The following ATP5F1A variants were observed in gnomAD, a reference collection of about 807,000 sequenced individuals.
The protein encoded by ATP5F1A is ATP synthase F(1) complex subunit alpha, mitochondrial.
ATP5F1A carries 24 observed loss-of-function variants against 57.4 expected under a neutral mutation model. The observed-to-expected ratio is 0.42, with a 90% CI of 0.30 to 0.59. The LOEUF (loss-of-function observed/expected upper bound fraction) is 0.59, where lower values mean the gene tolerates loss of function less well. Ranked by LOEUF, ATP5F1A falls within the 20% of genes least tolerant of loss-of-function variation. ATP5F1A has a pLI of 0.19. For synonymous variants in ATP5F1A, 251 were observed against 255.5 expected (o/e 0.98, Z 0.17); for missense variants, 494 against 707.9 (o/e 0.70, Z 3.43).
At chr18:46,095,029 G>C (rs766491097) in intron 2 of ATP5F1A, 24 bp downstream of exon 2, 34 of 1,603,786 alleles carry the variant, frequency 2.1e-5, no homozygotes, top group Non-Finnish European at 2.7e-5. Context: ...TAAGTGCGGC[G>C]TAGACTGAGA....
intron 2 of ATP5F1A, among the ~76,000 whole-genome samples, chr18:46,092,818 G>C (rs1458441409): frequency 7.5e-6 from 1 of 133,212 alleles, no homozygotes; most frequent in Admixed American, 7.0e-5. Context: ...GTTAAAACCT[G>C]AATTTTTGGC....
At chr18:46,097,993 C>T in intron 1 of ATP5F1A, 179 bp downstream of exon 1, 1 of 1,411,702 alleles carries the variant, frequency 7.1e-7, no homozygotes, top group South Asian at 1.6e-5. Flanking sequence ...TGCCTCTGCG[C>T]AGGTGACGAG....
upstream of ATP5F1A, among the ~76,000 whole-genome samples, chr18:46,103,037 C>T (rs949689750): frequency 1.3e-5 from 2 of 152,178 alleles, no homozygotes; most frequent in Non-Finnish European, 2.9e-5. Context: ...TGTGTTGGCT[C>T]ACACCTGTAA....
At chr18:46,089,418 C>G in intron 5 of ATP5F1A, 148 bp downstream of exon 5, 372 of 874,624 alleles carry the variant, frequency 4.3e-4, no homozygotes, top group Non-Finnish European at 5.9e-4. Flanking sequence ...AGGGGCTGGC[C>G]CCCTTCACTT....
chr18:46,086,069 A>G (rs766145270), intron 10 of ATP5F1A, 44 bp downstream of exon 10: 1 of 1,597,398 alleles, frequency 6.3e-7, no homozygotes, highest in South Asian at 1.1e-5. Context: ...GAAGACCCTG[A>G]TACACAATAG....
chr18:46,096,346 C>T (rs970165287), intron 1 of ATP5F1A, among the ~76,000 whole-genome samples: 4 of 150,942 alleles, frequency 2.7e-5, no homozygotes, highest in African/African-American at 9.7e-5. Context: ...ACTAGAAATA[C>T]AAAATTAGCT....
In ATP5F1A at chr18:46,088,138, G is replaced by GCAA; in HGVS notation, c.767_769dup (p.Val256dup). ...ATCTGTAAGTCTCTTCACCAACTGG[G>GCAA]CAACAGTGGATCTCTTTTGACCAAT... On this transcript the variant is annotated inframe_insertion, in exon 6 of 12. Transcript: ENST00000398752. 1 of 1,600,198 alleles carries GCAA rather than the reference G, an allele frequency of 6.2e-7. No homozygotes were observed. Among genetic ancestry groups the GCAA allele is most frequent in the Non-Finnish European group, 8.5e-7 (1 of 1,177,348 alleles).
chr18:46,099,743 T>C (rs77611649), upstream of ATP5F1A, among the ~76,000 whole-genome samples: 523 of 152,280 alleles, frequency 3.4e-3, 3 homozygotes, highest in African/African-American at 0.012. Context: ...TTTCACCGTT[T>C]GGAGAAGCAT....
At chr18:46,086,533 G>C (rs1351689435) in intron 8 of ATP5F1A, 39 bp from the exon 9 acceptor site, 2 of 1,560,012 alleles carry the variant, frequency 1.3e-6, no homozygotes, top group Non-Finnish European at 1.8e-6. Flanking sequence ...CAAGCTTAAA[G>C]TAAGAAATCA....
At chr18:46,100,251 T>TAAAAAA (rs34683117), upstream of ATP5F1A, among the ~76,000 whole-genome samples, 7 of 68,654 alleles carry the variant, frequency 1.0e-4, no homozygotes, top group East Asian at 1.2e-3. Context: ...AAACTCCATC[T>TAAAAAA]AAAAAAAAAA....
upstream of ATP5F1A, among the ~76,000 whole-genome samples, chr18:46,102,183 A>C (rs1393150151): frequency 6.6e-6 from 1 of 152,082 alleles, no homozygotes; most frequent in Non-Finnish European, 1.5e-5. Context: ...CAAAAAAAAA[A>C]AAAAATTGCA....
chr18:46,089,435 T>A, intron 5 of ATP5F1A, 131 bp downstream of exon 5: 1 of 1,162,264 alleles, frequency 8.6e-7, no homozygotes, highest in Non-Finnish European at 1.2e-6. Flanking sequence ...ACTTCCCAGC[T>A]GAAATTTTAC....
At chr18:46,102,001 T>A (rs1439982013), upstream of ATP5F1A, among the ~76,000 whole-genome samples, 1 of 151,746 alleles carries the variant, frequency 6.6e-6, no homozygotes, top group East Asian at 2.0e-4. Flanking sequence ...GGTGAAACCC[T>A]GTCTCTACTA....
At chr18:46,103,935 T>A (rs966850655) in intron 1 of ATP5F1A, among the ~76,000 whole-genome samples, 2 of 151,812 alleles carry the variant, frequency 1.3e-5, no homozygotes, top group Non-Finnish European at 2.9e-5. Flanking sequence ...ATGTCCCTAG[T>A]TTTTAGGTTG....
intron 2 of ATP5F1A, chr18:46,093,228 G>C (rs1910691478): frequency 6.6e-6 from 1 of 152,090 alleles, no homozygotes; most frequent in Non-Finnish European, 1.5e-5. Flanking sequence ...GGTAGTATAG[G>C]TGGTATTCTT....
rs1910088060 is a variant in ATP5F1A, at chr18:46,086,276, T to C, written c.1285-19A>G. 1 of 1,613,846 alleles carries C rather than the reference T, an allele frequency of 6.2e-7. No homozygotes were observed. Among genetic ancestry groups the C allele is most frequent in the African/African-American group, 1.3e-5 (1 of 75,024 alleles). On this transcript the variant is annotated intron_variant, in intron 9 of 11. Coordinates refer to ENST00000398752, the MANE Select transcript of ATP5F1A (RefSeq NM_004046.6). ...CTGCTACCTGCAATACAGAAATTACTGTACTGTAACTCAGTGACACAGAGC... is the reference window on the plus strand; with the variant it reads ...CTGCTACCTGCAATACAGAAATTACCGTACTGTAACTCAGTGACACAGAGC...
At chr18:46,099,328 A>G (rs976869284), upstream of ATP5F1A, 3 of 151,366 alleles carry the variant, frequency 2.0e-5, no homozygotes, top group African/African-American at 7.3e-5. Context: ...TTTTTTCTCC[A>G]CAGAATTACC....
chr18:46,087,585 T>G, intron 6 of ATP5F1A, 93 bp from the exon 7 acceptor site: 4 of 1,434,620 alleles, frequency 2.8e-6, no homozygotes, highest in Non-Finnish European at 2.9e-6. Flanking sequence ...TATTTACCAT[T>G]AAGAGTTAAT....
chr18:46,095,188 C>T (rs1231695449), intron 1 of ATP5F1A, 57 bp from the exon 2 acceptor site: 2 of 1,519,890 alleles, frequency 1.3e-6, no homozygotes, highest in Non-Finnish European at 1.8e-6. Flanking sequence ...ATAAAACTTA[C>T]AAGCTTAAAC....
Sources: allele counts gnomAD v4.1 joint callset (sites outside exome capture counted in the v4.1 genomes callset), GRCh38; gene constraint gnomAD v4.1.1; transcripts MANE v1.5; gene names NCBI Gene and HGNC (gene_info 2026-07-23, HGNC 2026-07-21).